The following POLR3B variants were observed in gnomAD, a reference collection of about 807,000 sequenced individuals.
The protein encoded by POLR3B is RNA polymerase III subunit B, also known as DNA-directed RNA polymerase III subunit RPC2.
Under a neutral mutation model 147.4 loss-of-function variants are expected in POLR3B, and 96 were observed. That is an observed-to-expected ratio of 0.65 (90% CI 0.55 to 0.77). POLR3B has a LOEUF of 0.77. Among genes scored for constraint, POLR3B ranks in the 30% least tolerant of loss-of-function variants. The pLI, the probability that POLR3B is intolerant of heterozygous loss-of-function variation, is 0.00. For synonymous variants in POLR3B, 461 were observed against 485.9 expected, an observed-to-expected ratio of 0.95 and a Z score of 0.67; for missense variants, 1,036 against 1,413.5, an observed-to-expected ratio of 0.73 and a Z score of 4.28.
At chr12:106,457,031 AT>A in intron 20 of POLR3B, 106 bp from the exon 21 acceptor site, 2 of 916,864 alleles carry the variant, frequency 2.2e-6, no homozygotes, top group Non-Finnish European at 3.6e-6. Context: ...AAGTTTTGGG[AT>A]TTGGGGGAGG....
At chr12:106,358,036 G>T (rs2036412459) in intron 1 of POLR3B, 85 bp downstream of exon 1, 2 of 1,570,130 alleles carry the variant, frequency 1.3e-6, no homozygotes, top group East Asian at 4.6e-5. Flanking sequence ...CGCCAAGGGG[G>T]CGGGCTGGCG....
intron 23 of POLR3B, among the ~76,000 whole-genome samples, chr12:106,481,189 A>T (rs1414929109): frequency 6.6e-6 from 1 of 152,142 alleles, no homozygotes; most frequent in Non-Finnish European, 1.5e-5. Flanking sequence ...GGGAGAGGGA[A>T]GCCACTGGAG....
At chr12:106,472,315 A>G (rs1361822652) in intron 23 of POLR3B, among the ~76,000 whole-genome samples, 7 of 151,952 alleles carry the variant, frequency 4.6e-5, no homozygotes, top group Admixed American at 1.3e-4. Context: ...TAGTGCCACA[A>G]TAAACATACG....
chr12:106,379,952 A>G, intron 8 of POLR3B, 79 bp from the exon 9 acceptor site: 2 of 805,350 alleles, frequency 2.5e-6, no homozygotes, highest in Non-Finnish European at 4.4e-6. Context: ...TTATTGATTA[A>G]TGATCATTGC....
At chr12:106,455,613 T>C (rs900778868) in intron 20 of POLR3B, among the ~76,000 whole-genome samples, 2 of 152,232 alleles carry the variant, frequency 1.3e-5, no homozygotes, top group African/African-American at 4.8e-5. Context: ...AGCTATCACC[T>C]GTAAATAAAA....
chr12:106,477,262 T>G (rs1592764021), intron 23 of POLR3B, among the ~76,000 whole-genome samples: 1 of 101,746 alleles, frequency 9.8e-6, no homozygotes, highest in Non-Finnish European at 1.9e-5. Context: ...GAACCACTGC[T>G]CTCTTCAAAG....
chr12:106,485,466 G>T (rs2038324293), intron 23 of POLR3B, among the ~76,000 whole-genome samples: 1 of 152,314 alleles, frequency 6.6e-6, no homozygotes, highest in African/African-American at 2.4e-5. Flanking sequence ...GAACGGGCAA[G>T]GAAGGGGGCA....
In POLR3B at chr12:106,496,088, T is replaced by G. The variant is rs1028950818; in HGVS notation, c.2747T>G (p.Met916Arg). The G allele has an allele frequency of 1.2e-6, 2 of 1,612,690 alleles. No homozygotes were observed. The highest frequency in any genetic ancestry group is 1.3e-5 in the African/African-American group (1 of 74,892). Residue 916 changes from methionine to arginine, a missense_variant, in exon 24 of 28, where the codon ATG becomes AGG. Met to Arg is a moderately conservative substitution (Grantham distance 91). Transcript: ENST00000228347. The stretch of plus-strand genomic sequence containing the variant: ...GGCTTGATCGTCCCCCAGGAAGACA[T>G]GCCATTTTGTGATTCTGGCATCTGT... The part of the protein sequence containing the change: ...VCGLIVPQED[M>R]PFCDSGICPD...
intron 11 of POLR3B, 146 bp downstream of exon 11, chr12:106,406,122 C>T: frequency 1.3e-6 from 1 of 775,780 alleles, no homozygotes. Context: ...CAGAAATAAC[C>T]TTCCATTATC....
intron 12 of POLR3B, among the ~76,000 whole-genome samples, chr12:106,419,411 C>T (rs772849237): frequency 6.6e-6 from 1 of 152,168 alleles, no homozygotes; most frequent in Non-Finnish European, 1.5e-5. Context: ...CCTTCTTTGG[C>T]ACTAGCTAGA....
At chr12:106,405,021 CAAAAGTCAACTGACCATT>C (rs1336007377) in intron 10 of POLR3B, among the ~76,000 whole-genome samples, 1 of 152,116 alleles carries the variant, frequency 6.6e-6, no homozygotes, top group East Asian at 1.9e-4. Context: ...ATACTTTCAT[CAAAAGTCAACTGACCATT>C]TAGTATGTGT....
chr12:106,397,160 A>G (rs1260327617), intron 10 of POLR3B, among the ~76,000 whole-genome samples: 1 of 152,096 alleles, frequency 6.6e-6, no homozygotes, highest in Non-Finnish European at 1.5e-5. Flanking sequence ...TTCCAAAATA[A>G]TAAGAACCAC....
rs773665687 is a variant in POLR3B at position 106,427,260 on chromosome 12, G to T, written c.1165G>T (p.Asp389Tyr). ...TAATTCTGAAATGAAAAAGATTGCC[G>T]ACCAGGTGATTCCTAAGCAAAGAGC... Reference protein sequence around the residue: ...KFNSEMKKIADQVIPKQRAAQ... With the variant: ...KFNSEMKKIAYQVIPKQRAAQ... The change falls in exon 13 of 28, where the codon GAC (aspartate) becomes TAC (tyrosine). Residue 389 changes from aspartate (D) to tyrosine (Y), a missense_variant. Around this residue, in one of 12 missense-constraint regions of POLR3B, gnomAD observed 89 missense variants for 110.9 expected, o/e 0.80. Transcript: ENST00000228347. The T allele has an allele frequency of 1.2e-6, 2 of 1,608,680 alleles. No homozygotes were observed. Among genetic ancestry groups the T allele is most frequent in the Admixed American group, 3.4e-5 (2 of 59,552 alleles).
At chr12:106,429,909 A>T (rs961565211) in intron 13 of POLR3B, among the ~76,000 whole-genome samples, 1 of 152,196 alleles carries the variant, frequency 6.6e-6, no homozygotes, top group African/African-American at 2.4e-5. Flanking sequence ...TTAAATGTGT[A>T]TAGAAATTGC....
At chr12:106,498,147 A>G (rs2038527070) in intron 25 of POLR3B, among the ~76,000 whole-genome samples, 1 of 152,230 alleles carries the variant, frequency 6.6e-6, no homozygotes, top group Non-Finnish European at 1.5e-5. Context: ...TGGCTATGAT[A>G]TTTCAACTGA....
intron 23 of POLR3B, among the ~76,000 whole-genome samples, chr12:106,469,139 T>C (rs932800364): frequency 9.9e-5 from 15 of 152,198 alleles, no homozygotes; most frequent in Non-Finnish European, 1.5e-4. Flanking sequence ...ATTGGGTGCA[T>C]ACATATTTAG....
chr12:106,508,463 G>A (rs2038724305), intron 27 of POLR3B, among the ~76,000 whole-genome samples: 1 of 152,134 alleles, frequency 6.6e-6, no homozygotes, highest in Non-Finnish European at 1.5e-5. Context: ...TAACTGTGAG[G>A]ACCTAGTTTT....
rs1390831761 is a variant in POLR3B at position 106,383,262 on chromosome 12, T to C, written c.723+3123T>C. Among the ~76,000 whole-genome samples, 17 of 152,204 alleles carry C rather than the reference T, an allele frequency of 1.1e-4. 1 individual carries two copies. Among genetic ancestry groups the C allele is most frequent in the Admixed American group, 1.1e-3 (17 of 15,280 alleles). The stretch of plus-strand genomic sequence containing the variant: ...CCAGACCACTAAAACCATCTCCATA[T>C]CAGCAATAAGCCTGTTTCACTTTCT... On this transcript the variant is annotated intron_variant, in intron 9 of 27. Transcript: ENST00000228347.
At chr12:106,487,752 G>A (rs950550127) in intron 23 of POLR3B, among the ~76,000 whole-genome samples, 3 of 152,152 alleles carry the variant, frequency 2.0e-5, no homozygotes, top group Non-Finnish European at 4.4e-5. Context: ...ATAATTAGTA[G>A]CTAAATGAAA....
Sources: allele counts gnomAD v4.1 joint callset (sites outside exome capture counted in the v4.1 genomes callset), GRCh38; gene constraint gnomAD v4.1.1; regional missense constraint gnomAD v4.1.1; transcripts MANE v1.5; gene names NCBI Gene and HGNC (gene_info 2026-07-23, HGNC 2026-07-21).